The following CTNNA3 variants were observed in gnomAD, a reference collection of about 807,000 sequenced individuals.
CTNNA3 encodes catenin alpha 3.
In CTNNA3, 76 loss-of-function variants were observed where a neutral mutation model predicts 95.7. The ratio of observed to expected loss-of-function variants is 0.79; its 90% CI spans 0.66 to 0.96. The LOEUF (loss-of-function observed/expected upper bound fraction) is 0.96, where lower values mean the gene tolerates loss of function less well. Ranked by LOEUF, CTNNA3 falls within the 40% of genes least tolerant of loss-of-function variation. The pLI, the probability that CTNNA3 is intolerant of heterozygous loss-of-function variation, is 0.00. For synonymous variants in CTNNA3, 431 were observed against 374.4 expected, an observed-to-expected ratio of 1.15 and a Z score of -1.74; for missense variants, 1,191 against 1,089.8, an observed-to-expected ratio of 1.09 and a Z score of -1.31.
intron 7 of CTNNA3, among the ~76,000 whole-genome samples, chr10:67,014,426 A>G (rs1403322984): frequency 2.0e-5 from 3 of 152,184 alleles, no homozygotes; most frequent in East Asian, 3.8e-4. Context: ...CTTAAGAAAT[A>G]TCTTTATCTG....
intron 13 of CTNNA3, among the ~76,000 whole-genome samples, chr10:66,186,902 T>C (rs2086373446): frequency 6.6e-6 from 1 of 152,194 alleles, no homozygotes; most frequent in African/African-American, 2.4e-5. Flanking sequence ...ATATAGGTAA[T>C]GTTTATTAGA....
At chr10:67,169,653 G>A (rs1181276380) in intron 7 of CTNNA3, among the ~76,000 whole-genome samples, 1 of 152,104 alleles carries the variant, frequency 6.6e-6, no homozygotes, top group African/African-American at 2.4e-5. Flanking sequence ...AGACTTAAAT[G>A]TAAAAACCAA....
intron 2 of CTNNA3, among the ~76,000 whole-genome samples, chr10:67,645,191 G>GTGCACA (rs999876286): frequency 7.1e-6 from 1 of 140,536 alleles, no homozygotes; most frequent in Admixed American, 7.1e-5. Flanking sequence ...GTGCACGTGC[G>GTGCACA]CGCACACACA....
At chr10:66,547,168 C>A (rs904217244) in intron 10 of CTNNA3, among the ~76,000 whole-genome samples, 2 of 151,864 alleles carry the variant, frequency 1.3e-5, no homozygotes, top group Non-Finnish European at 2.9e-5. Flanking sequence ...GCTCTTAAAT[C>A]TTCTAGCCAG....
chr10:66,437,656 T>C (rs1314135408), intron 11 of CTNNA3, among the ~76,000 whole-genome samples: 2 of 152,080 alleles, frequency 1.3e-5, no homozygotes, highest in Non-Finnish European at 2.9e-5. Context: ...ATGCTTCTTT[T>C]GCTCAGAGGA....
intron 9 of CTNNA3, among the ~76,000 whole-genome samples, chr10:66,697,918 GT>G (rs1306125380): frequency 6.6e-6 from 1 of 152,084 alleles, no homozygotes; most frequent in Non-Finnish European, 1.5e-5. Context: ...TCAAAACAAT[GT>G]TTTCATCTCC....
intron 9 of CTNNA3, among the ~76,000 whole-genome samples, chr10:66,764,301 T>C (rs545163227): frequency 7.2e-4 from 110 of 152,304 alleles, no homozygotes; most frequent in Middle Eastern, 3.4e-3. Context: ...TAGAGCTGTG[T>C]CTACATAACA....
At chr10:67,711,267 G>A (rs181972334) in intron 1 of CTNNA3, among the ~76,000 whole-genome samples, 2 of 152,310 alleles carry the variant, frequency 1.3e-5, no homozygotes, top group Non-Finnish European at 2.9e-5. Context: ...CAAAAATGCG[G>A]AAGCGACTGG....
intron 3 of CTNNA3, among the ~76,000 whole-genome samples, chr10:67,555,578 T>G (rs557370779): frequency 6.6e-6 from 1 of 152,230 alleles, no homozygotes; most frequent in Non-Finnish European, 1.5e-5. Context: ...TATATAGGAA[T>G]GCTTGTGATT....
intron 8 of CTNNA3, among the ~76,000 whole-genome samples, chr10:66,771,284 T>C (rs886411671): frequency 1.3e-5 from 2 of 152,184 alleles, no homozygotes; most frequent in Non-Finnish European, 1.5e-5. Flanking sequence ...TTTAGTGAAA[T>C]CAAATATATT....
At chr10:66,646,252 GAAT>G (rs1845703748) in intron 9 of CTNNA3, among the ~76,000 whole-genome samples, 1 of 152,098 alleles carries the variant, frequency 6.6e-6, no homozygotes, top group Non-Finnish European at 1.5e-5. Flanking sequence ...TGAAAAAATA[GAAT>G]ATCCACTTGA....
intron 5 of CTNNA3, among the ~76,000 whole-genome samples, chr10:67,352,606 A>AT (rs1294552600): frequency 2.0e-5 from 3 of 152,048 alleles, no homozygotes; most frequent in Non-Finnish European, 4.4e-5. Context: ...GAAAGGTATG[A>AT]ATGTTCCATT....
At chr10:67,634,843 A>T (rs1839254796) in intron 2 of CTNNA3, among the ~76,000 whole-genome samples, 1 of 152,202 alleles carries the variant, frequency 6.6e-6, no homozygotes, top group Non-Finnish European at 1.5e-5. Flanking sequence ...TTAGAAACCT[A>T]TAAAGATACT....
intron 9 of CTNNA3, among the ~76,000 whole-genome samples, chr10:66,664,420 A>C (rs953272009): frequency 5.3e-5 from 8 of 152,152 alleles, no homozygotes; most frequent in Admixed American, 5.2e-4. Flanking sequence ...TATGTAAGTT[A>C]CTGGCAGAGA....
intron 10 of CTNNA3, among the ~76,000 whole-genome samples, chr10:66,600,190 G>A (rs181168116): frequency 2.0e-5 from 3 of 151,710 alleles, no homozygotes; most frequent in East Asian, 3.9e-4. Context: ...TTAAAGATCC[G>A]ATATTCAGAA....
chr10:66,325,966 G>A (rs2092248989), intron 12 of CTNNA3, among the ~76,000 whole-genome samples: 1 of 152,104 alleles, frequency 6.6e-6, no homozygotes, highest in Non-Finnish European at 1.5e-5. Context: ...AAGAGCCACT[G>A]TTGAAAAATG....
intron 9 of CTNNA3, among the ~76,000 whole-genome samples, chr10:66,635,158 C>G (rs921924569): frequency 6.6e-6 from 1 of 152,054 alleles, no homozygotes; most frequent in Non-Finnish European, 1.5e-5. Flanking sequence ...AATCACCACT[C>G]AAAGGATAAA....
intron 12 of CTNNA3, among the ~76,000 whole-genome samples, chr10:66,292,412 C>A (rs2091698020): frequency 1.3e-5 from 2 of 152,190 alleles, no homozygotes; most frequent in African/African-American, 4.8e-5. Context: ...AATTAATGCA[C>A]CTACTAACTT....
chr10:67,616,307 A>G (rs1344290082), intron 2 of CTNNA3, among the ~76,000 whole-genome samples: 1 of 152,192 alleles, frequency 6.6e-6, no homozygotes, highest in East Asian at 1.9e-4. Context: ...TGAAACAGGA[A>G]AGTAACATGA....
Sources: gnomAD v4.1 joint callset for allele counts (sites outside exome capture counted in the v4.1 genomes callset) on GRCh38, gnomAD v4.1.1 for gene constraint, MANE v1.5 for transcripts, NCBI Gene and HGNC (gene_info 2026-07-23, HGNC 2026-07-21) for gene names.